The following NMNAT1 variants were observed in gnomAD, a reference collection of about 807,000 sequenced individuals.
The protein encoded by NMNAT1 is nicotinamide nucleotide adenylyltransferase 1, also known as nicotinamide/nicotinic acid mononucleotide adenylyltransferase 1.
In NMNAT1, 11 loss-of-function variants were observed where a neutral mutation model predicts 16.7. That is an observed-to-expected ratio of 0.66 (90% CI 0.41 to 1.09). The LOEUF is 1.09. NMNAT1 is among the 50% of genes least tolerant of loss of function. NMNAT1 has a pLI of 0.00. For missense variants in NMNAT1, 280 were observed against 332.3 expected (o/e 0.84, Z 1.22); for synonymous variants, 110 against 119.8 (o/e 0.92, Z 0.53).
Position 9,982,690 on chromosome 1 carries a change from G to A in NMNAT1, c.829G>A (p.Ala277Thr), listed in dbSNP as rs1001997442. The A allele has an allele frequency of 1.9e-6, 3 of 1,604,866 alleles. No homozygotes were observed. Among genetic ancestry groups the A allele is most frequent in the African/African-American group, 1.3e-5 (1 of 74,540 alleles). The change falls in exon 5 of 5, where the codon GCT becomes ACT. Residue 277 changes from alanine (A) to threonine (T), a missense_variant. Coordinates refer to ENST00000377205, the MANE Select transcript of NMNAT1 (RefSeq NM_022787.4). ...LAPLQRNTAE[A>T]KT ...CCCTTTGCAGAGAAACACTGCAGAAGCTAAGACATAGGAATTCTACAGCAT... is the reference window on the plus strand; with the variant it reads ...CCCTTTGCAGAGAAACACTGCAGAAACTAAGACATAGGAATTCTACAGCAT...
the NMNAT1 span, among the ~76,000 whole-genome samples, chr1:9,994,150 T>G: frequency 7.3e-6 from 1 of 136,080 alleles, no homozygotes; most frequent in Non-Finnish European, 1.5e-5. Flanking sequence ...TCACTCCGTC[T>G]CCCAGGCTGG....
At chr1:9,976,034 G>T (rs1490182267) in intron 3 of NMNAT1, among the ~76,000 whole-genome samples, 2 of 151,982 alleles carry the variant, frequency 1.3e-5, no homozygotes, top group Non-Finnish European at 2.9e-5. Context: ...CGCCTGTAAT[G>T]CCAGCACTTT....
the NMNAT1 span, among the ~76,000 whole-genome samples, chr1:9,990,684 G>C: frequency 3.3e-5 from 5 of 152,266 alleles, no homozygotes; most frequent in East Asian, 9.7e-4. Context: ...TGCTGAACCA[G>C]CATCAGACTC....
intron 1 of NMNAT1, among the ~76,000 whole-genome samples, chr1:9,952,963 C>T (rs1167355706): frequency 2.0e-5 from 3 of 151,966 alleles, no homozygotes; most frequent in Admixed American, 1.3e-4. Flanking sequence ...ACTAATTTTT[C>T]CTTTGATATA....
At chr1:9,986,543 GTAACATAGCAAGATCCTATCTT>G (rs1642047916), downstream of NMNAT1, among the ~76,000 whole-genome samples, 1 of 152,046 alleles carries the variant, frequency 6.6e-6, no homozygotes, top group Non-Finnish European at 1.5e-5. Flanking sequence ...AACAGCCCGC[GTAACATAGCAAGATCCTATCTT>G]TAGAAAAACA....
the NMNAT1 span, among the ~76,000 whole-genome samples, chr1:9,991,026 G>A: frequency 6.6e-6 from 1 of 152,076 alleles, no homozygotes; most frequent in Admixed American, 6.6e-5. Context: ...GATGACCCTT[G>A]CTCAAGCTGG....
chr1:9,947,941 C>T (rs766978127), intron 1 of NMNAT1, among the ~76,000 whole-genome samples: 8 of 152,192 alleles, frequency 5.3e-5, no homozygotes. Flanking sequence ...CTCCTCTGCT[C>T]AAAGCCCTGC....
Position 9,975,588 on chromosome 1 carries a change from C to A in NMNAT1, c.116-4C>A. The A allele has an allele frequency of 6.3e-7, 1 of 1,594,298 alleles. No homozygotes were observed. Among genetic ancestry groups the A allele is most frequent in the Non-Finnish European group, 8.5e-7 (1 of 1,171,636 alleles). ...CCTAGTGTGAAACCTAACTTTTTAT[C>A]TAGGAAGGTACACAGTTGTCAAAGG... On this transcript the variant is annotated splice_region_variant and splice_polypyrimidine_tract_variant and intron_variant, in intron 2 of 4. Transcript: ENST00000377205.
rs1641701125 is a variant in NMNAT1, at chr1:9,972,067, T to A, written c.-7T>A. On this transcript the variant is annotated 5_prime_UTR_variant, in exon 2 of 5. Coordinates refer to ENST00000377205, the MANE Select transcript of NMNAT1 (RefSeq NM_022787.4). ...TCCATTTAGATCAACAACTTCAAGT[T>A]CTTACCATGGAAAATTCCGAGAAGA... 6.6e-7 allele frequency: 1 copy of A among 1,504,668 alleles called. No individual in the cohort carries two copies. Among genetic ancestry groups the A allele is most frequent in the Non-Finnish European group, 9.3e-7 (1 of 1,080,590 alleles). The allele number at this position is 1,504,668 out of a possible 1,614,324, so 93.2% of individuals were successfully genotyped here. A position where few individuals can be genotyped will look rare whatever the true frequency, so the allele number is the denominator to read the frequency against.
chr1:9,962,820 T>TA (rs1398258201), intron 1 of NMNAT1, among the ~76,000 whole-genome samples: 1 of 151,190 alleles, frequency 6.6e-6, no homozygotes, highest in Non-Finnish European at 1.5e-5. Context: ...TAGCTGGGAC[T>TA]ACAGGTGCCT....
chr1:9,994,392 C>A, the NMNAT1 span, among the ~76,000 whole-genome samples: 525 of 151,656 alleles, frequency 3.5e-3, 7 homozygotes, highest in Non-Finnish European at 2.0e-3. Flanking sequence ...GGATTACGAA[C>A]GTGAGCCACT....
At position 9,982,604 on chromosome 1, in the gene NMNAT1, T is replaced by A; in HGVS notation, c.743T>A (p.Ile248Asn). Residue 248 changes from isoleucine (I) to asparagine (N), a missense_variant, in exon 5 of 5, where the codon ATT becomes AAT. Coordinates refer to ENST00000377205, the MANE Select transcript of NMNAT1 (RefSeq NM_022787.4). Reference protein sequence around the residue: ...YLVPDLVQEYIEKHNLYSSES... With the variant: ...YLVPDLVQEYNEKHNLYSSES... The stretch of plus-strand genomic sequence containing the variant: ...GTACCAGATCTTGTCCAAGAATACA[T>A]TGAAAAGCATAATTTGTACAGCTCT... The A allele has an allele frequency of 6.2e-7, 1 of 1,614,118 alleles. No individual in the cohort carries two copies. Among genetic ancestry groups the A allele is most frequent in the Non-Finnish European group, 8.5e-7 (1 of 1,180,024 alleles).
chr1:9,992,087 AT>A, the NMNAT1 span, among the ~76,000 whole-genome samples: 3,467 of 139,690 alleles, frequency 0.025, 54 homozygotes, highest in South Asian at 0.05. Context: ...TTAGGTTTAG[AT>A]TTTTTTTTTT....
downstream of NMNAT1, among the ~76,000 whole-genome samples, chr1:9,986,684 C>G (rs556701566): frequency 6.6e-6 from 1 of 152,338 alleles, no homozygotes; most frequent in South Asian, 2.1e-4. Flanking sequence ...GAATTCTAGA[C>G]TAGCCTGGGC....
rs1273461415 is a variant in NMNAT1 at position 9,972,204 on chromosome 1, A to G, written c.115+16A>G. ...AATGGAACAGGTAGGAGCAGTAACC[A>G]AAAGTGGCTTAAGACTAGAGAACCA... On this transcript the variant is annotated intron_variant, in intron 2 of 4. Transcript: ENST00000377205. 1 of 1,443,970 alleles carries G rather than the reference A, an allele frequency of 6.9e-7. No individual in the cohort carries two copies. Among genetic ancestry groups the G allele is most frequent in the Admixed American group, 1.7e-5 (1 of 58,668 alleles). The allele number at this position is 1,443,970 out of a possible 1,614,324, so 89.4% of individuals were successfully genotyped here. A position where few individuals can be genotyped will look rare whatever the true frequency, so the allele number is the denominator to read the frequency against.
At chr1:9,956,420 CTT>C (rs758331917) in intron 1 of NMNAT1, among the ~76,000 whole-genome samples, 38 of 117,528 alleles carry the variant, frequency 3.2e-4, no homozygotes, top group African/African-American at 8.5e-4. Context: ...ATTGGTCTAC[CTT>C]TTTTTTTTTT....
chr1:9,986,456 G>T (rs1642046171), downstream of NMNAT1, among the ~76,000 whole-genome samples: 1 of 152,210 alleles, frequency 6.6e-6, no homozygotes, highest in Non-Finnish European at 1.5e-5. Flanking sequence ...GCTCAGCCAG[G>T]CTTGGTGGCT....
chr1:9,959,121 C>A (rs1361544033), intron 1 of NMNAT1, among the ~76,000 whole-genome samples: 2 of 152,122 alleles, frequency 1.3e-5, no homozygotes, highest in Non-Finnish European at 2.9e-5. Context: ...CCTGTAATCC[C>A]AGCACTTTGG....
At chr1:9,976,144 G>A (rs925136021) in intron 3 of NMNAT1, among the ~76,000 whole-genome samples, 5 of 151,868 alleles carry the variant, frequency 3.3e-5, no homozygotes, top group South Asian at 4.2e-4. Context: ...AAAATTAGCC[G>A]GGCATGGTGG....
Sources: allele counts gnomAD v4.1 joint callset (sites outside exome capture counted in the v4.1 genomes callset), GRCh38; gene constraint gnomAD v4.1.1; transcripts MANE v1.5; gene names NCBI Gene and HGNC (gene_info 2026-07-23, HGNC 2026-07-21).